The following CAST variants were observed in gnomAD, a reference collection of about 807,000 sequenced individuals.
The protein encoded by CAST is calpastatin.
In CAST, 76 loss-of-function variants were observed where a neutral mutation model predicts 119.6. The observed-to-expected ratio is 0.64, with a 90% CI of 0.53 to 0.77. The LOEUF is 0.77. CAST is among the 30% of genes least tolerant of loss of function. CAST has a pLI of 0.00. For synonymous variants in CAST, 319 were observed against 331.6 expected (o/e 0.96, Z 0.41); for missense variants, 953 against 946.5 (o/e 1.01, Z -0.09).
chr5:95,997,963 G>GTTT, the CAST span, among the ~76,000 whole-genome samples: 28 of 93,574 alleles, frequency 3.0e-4, no homozygotes, highest in East Asian at 8.5e-4. Flanking sequence ...TTGAGAGAGG[G>GTTT]TTTTTTTTTT....
At chr5:96,408,352 C>G in the CAST span, 1 of 1,529,398 alleles carries the variant, frequency 6.5e-7, no homozygotes. Context: ...GAGAGAAAGG[C>G]AGGGAGAACA....
At chr5:96,236,478 G>C in the CAST span, among the ~76,000 whole-genome samples, 269 of 152,282 alleles carry the variant, frequency 1.8e-3, 1 homozygote, top group African/African-American at 6.2e-3. Context: ...GGACTCTAGA[G>C]TCTTCCCTTT....
Position 96,677,043 on chromosome 5 carries a change from A to AAAAAG in CAST, c.138+1462_138+1466dup, listed in dbSNP as rs553788639. Among the ~76,000 whole-genome samples, 671 of 151,968 alleles carry AAAAAG rather than the reference A, an allele frequency of 4.4e-3. 4 individuals are homozygous for AAAAAG. The highest frequency in any genetic ancestry group is 0.015 in the African/African-American group (629 of 41,394). On this transcript the variant is annotated intron_variant, in intron 2 of 31. Transcript: ENST00000675179. ...CACTCCAGCTGGGTGACAAAAAAAAAAAAAGAAAAGAAAAGAAAAGAAAAT... is the reference window on the plus strand; with the variant it reads ...CACTCCAGCTGGGTGACAAAAAAAAAAAAAGAAAAGAAAAGAAAAGAAAAGAAAAT...
the CAST span, among the ~76,000 whole-genome samples, chr5:96,375,244 ATGGAAGT>A: frequency 3.9e-5 from 6 of 152,218 alleles, no homozygotes; most frequent in Admixed American, 2.0e-4. Context: ...GTCTTCAAAT[ATGGAAGT>A]TGTTTTCTTG....
At chr5:96,141,378 G>A in the CAST span, among the ~76,000 whole-genome samples, 7 of 152,124 alleles carry the variant, frequency 4.6e-5, no homozygotes, top group Admixed American at 2.0e-4. Context: ...AATTAGATTC[G>A]TTTTCTACTC....
chr5:96,389,723 C>A, the CAST span, among the ~76,000 whole-genome samples: 1 of 152,158 alleles, frequency 6.6e-6, no homozygotes, highest in South Asian at 2.1e-4. Context: ...ATCACCTGAG[C>A]CCAAAAGTTT....
At chr5:96,450,360 A>C in the CAST span, among the ~76,000 whole-genome samples, 4 of 152,204 alleles carry the variant, frequency 2.6e-5, no homozygotes, top group Non-Finnish European at 5.9e-5. Flanking sequence ...TCAAAACCTC[A>C]TGTTCTCACA....
At chr5:96,509,218 TA>T in the CAST span, among the ~76,000 whole-genome samples, 1 of 152,158 alleles carries the variant, frequency 6.6e-6, no homozygotes, top group South Asian at 2.1e-4. Flanking sequence ...ACAGACCCAG[TA>T]AATAGCCAAG....
At chr5:96,734,142 A>G (rs759843286) in intron 9 of CAST, among the ~76,000 whole-genome samples, 8 of 152,204 alleles carry the variant, frequency 5.3e-5, no homozygotes, top group Non-Finnish European at 1.0e-4. Context: ...GGTGTTGAAA[A>G]GTGTAAGATG....
At chr5:96,738,138 A>G (rs571226247) in intron 11 of CAST, among the ~76,000 whole-genome samples, 191 bp downstream of exon 11, 2 of 152,176 alleles carry the variant, frequency 1.3e-5, no homozygotes, top group African/African-American at 2.4e-5. Context: ...CCTGGCCAAC[A>G]TGGTGAAACC....
At chr5:96,658,861 C>T (rs1748201163), upstream of CAST, among the ~76,000 whole-genome samples, 1 of 152,228 alleles carries the variant, frequency 6.6e-6, no homozygotes, top group Admixed American at 6.5e-5. Context: ...GGGATTTAAA[C>T]ATAGTTGTGT....
chr5:96,766,071 C>T lies in CAST; in HGVS notation c.2056C>T (p.His686Tyr). Reference sequence around the variant, plus strand: ...GATATAGGAAAAAGCTAAAGCTGAACATAGAGACAAGCTTGGAGAAAGAGA... The same window carrying T: ...GATATAGGAAAAAGCTAAAGCTGAATATAGAGACAAGCTTGGAGAAAGAGA... ...DKVKEKAKAE[H>Y]RDKLGERDDT... Residue 686 changes from histidine (H) to tyrosine (Y), a missense_variant, in exon 27 of 32, where the codon CAT becomes TAT. Coordinates refer to ENST00000675179, the MANE Select transcript of CAST (RefSeq NM_001750.7). 6.2e-7 allele frequency: 1 copy of T among 1,605,002 alleles called. No individual in the cohort carries two copies. The highest frequency in any genetic ancestry group is 8.5e-7 in the Non-Finnish European group (1 of 1,172,758).
chr5:96,004,858 A>G, the CAST span, among the ~76,000 whole-genome samples: 1 of 152,162 alleles, frequency 6.6e-6, no homozygotes, highest in East Asian at 1.9e-4. Context: ...ACAGTGAATG[A>G]AGAGACCCTT....
the CAST span, among the ~76,000 whole-genome samples, chr5:96,015,587 A>G: frequency 6.6e-6 from 1 of 152,274 alleles, no homozygotes; most frequent in African/African-American, 2.4e-5. Flanking sequence ...CAGATAAGGA[A>G]ATTGAAGCTC....
chr5:96,043,444 C>T, the CAST span, among the ~76,000 whole-genome samples: 1 of 152,040 alleles, frequency 6.6e-6, no homozygotes, highest in African/African-American at 2.4e-5. Flanking sequence ...ATAATGGGAC[C>T]CTTTTGGTTG....
chr5:96,534,292 G>A (rs1393812656), intron 1 of CAST, among the ~76,000 whole-genome samples: 1 of 152,062 alleles, frequency 6.6e-6, no homozygotes. Flanking sequence ...ATAGATTGAT[G>A]GATTTAAATG....
chr5:96,123,572 C>T, the CAST span, among the ~76,000 whole-genome samples: 5 of 152,212 alleles, frequency 3.3e-5, no homozygotes, highest in African/African-American at 1.2e-4. Context: ...ATGGAAAAGT[C>T]AACTCAGGGC....
the CAST span, among the ~76,000 whole-genome samples, chr5:96,266,332 T>C: frequency 6.6e-6 from 1 of 152,190 alleles, no homozygotes; most frequent in Admixed American, 6.5e-5. Flanking sequence ...CTCATCACCT[T>C]GGGTTCCATG....
chr5:96,039,005 C>T, the CAST span, among the ~76,000 whole-genome samples: 6 of 152,282 alleles, frequency 3.9e-5, no homozygotes, highest in African/African-American at 1.4e-4. Context: ...AAAAGTGTTC[C>T]TATTTTTCCA....
Sources: allele counts gnomAD v4.1 joint callset (sites outside exome capture counted in the v4.1 genomes callset), GRCh38; gene constraint gnomAD v4.1.1; transcripts MANE v1.5; gene names NCBI Gene and HGNC (gene_info 2026-07-23, HGNC 2026-07-21).